Variants in APOL1 observed in about 807,000 individuals in gnomAD.
The protein encoded by APOL1 is apolipoprotein L1, also known as apolipoprotein L 1.
A neutral mutation model predicts 14.9 loss-of-function variants in APOL1; 17 were observed. That is an observed-to-expected ratio of 1.14 (90% CI 0.78 to 1.71). The LOEUF (loss-of-function observed/expected upper bound fraction) is 1.71. Ranked by LOEUF, APOL1 falls within the 40% of genes most tolerant of loss-of-function variation. The probability of loss-of-function intolerance (pLI) is 0.00; values close to 1 mark genes in which losing one functional copy is unlikely to be tolerated. For synonymous variants in APOL1, 195 were observed against 184.8 expected, an observed-to-expected ratio of 1.05 and a Z score of -0.45; for missense variants, 523 against 485.9, an observed-to-expected ratio of 1.08 and a Z score of -0.72.
At position 36,265,768 on chromosome 22, in the gene APOL1, C is replaced by T. The variant is rs144391919; in HGVS notation, c.932C>T (p.Ser311Leu). The T allele has an allele frequency of 3.5e-5, 56 of 1,614,092 alleles. 1 individual carries two copies. In the African/African-American group the frequency reaches 4.0e-4, roughly 12 times the overall value. The change falls in exon 6 of 6, where the codon TCA (serine) becomes TTA (leucine). Residue 311 changes from serine (S) to leucine (L), a missense_variant. By Grantham distance (145) the Ser-to-Leu change is moderately radical. Transcript: ENST00000397278. ...CGCCCCCGGGTCACTGAGCCAATCT[C>T]AGCTGAAAGCGGTGAACAGGTGGAG... ...ASRPRVTEPI[S>L]AESGEQVERV...
In APOL1 at chr22:36,267,316, C is replaced by T. The variant is rs2016306397; in HGVS notation, c.*1283C>T. The T allele has an allele frequency of 6.6e-6, 1 of 152,304 alleles. No homozygotes were observed. Among genetic ancestry groups the T allele is most frequent in the Admixed American group, 6.5e-5 (1 of 15,284 alleles). The allele number at this position is 152,304 out of a possible 1,614,324, so 9.4% of individuals were successfully genotyped here. Reference sequence around the variant, plus strand: ...ATGGCCATGGTCCCCAGCTGAGGAGCAGGTGTCCCTGAGAACCCAAACTTC... The same window carrying T: ...ATGGCCATGGTCCCCAGCTGAGGAGTAGGTGTCCCTGAGAACCCAAACTTC... On this transcript the variant is annotated 3_prime_UTR_variant, in exon 6 of 6. Transcript: ENST00000397278.
At chr22:36,263,280 G>A (rs569413923) in intron 5 of APOL1, among the ~76,000 whole-genome samples, 1 of 152,186 alleles carries the variant, frequency 6.6e-6, no homozygotes, top group East Asian at 1.9e-4. Flanking sequence ...AGGTGAAAGG[G>A]CATGAGGCAT....
At chr22:36,261,422 T>G (rs2016067458) in intron 4 of APOL1, among the ~76,000 whole-genome samples, 174 bp from the exon 5 acceptor site, 1 of 152,150 alleles carries the variant, frequency 6.6e-6, no homozygotes, top group Non-Finnish European at 1.5e-5. Flanking sequence ...AGTTTAAAGC[T>G]TCAGCATATG....
In APOL1 at chr22:36,265,744, G is replaced by A. The variant is rs765764553; in HGVS notation, c.908G>A (p.Arg303His). ...TCAGTACCGCATGCCTCAGCCTCACGCCCCCGGGTCACTGAGCCAATCTCA... is the reference window on the plus strand; with the variant it reads ...TCAGTACCGCATGCCTCAGCCTCACACCCCCGGGTCACTGAGCCAATCTCA... ...LQSVPHASASRPRVTEPISAE... is the reference protein window; with the variant it reads ...LQSVPHASASHPRVTEPISAE... Residue 303 changes from arginine to histidine, a missense_variant, in exon 6 of 6, where the codon CGC (arginine) becomes CAC (histidine). Physicochemically the swap from Arg to His is conservative, Grantham distance 29. Coordinates refer to ENST00000397278, the MANE Select transcript of APOL1 (RefSeq NM_003661.4). 83 of 1,613,888 alleles carry A rather than the reference G, an allele frequency of 5.1e-5. No homozygotes were observed. Among genetic ancestry groups the A allele is most frequent in the Middle Eastern group, 1.6e-4 (1 of 6,084 alleles).
intron 4 of APOL1, 56 bp downstream of exon 4, chr22:36,257,463 G>T: frequency 2.0e-6 from 3 of 1,494,192 alleles, no homozygotes; most frequent in Non-Finnish European, 2.8e-6. Flanking sequence ...ATGGAGGGTG[G>T]CACCTCCACA....
chr22:36,264,678 T>G (rs2016175017), intron 5 of APOL1, among the ~76,000 whole-genome samples: 1 of 152,146 alleles, frequency 6.6e-6, no homozygotes, highest in Non-Finnish European at 1.5e-5. Context: ...ATGAACAAAA[T>G]GTGTTTGAGT....
chr22:36,265,740 T>C lies in APOL1; in HGVS notation c.904T>C (p.Ser302Pro). 1 of 1,614,122 alleles carries C rather than the reference T, an allele frequency of 6.2e-7. No homozygotes were observed. The highest frequency in any genetic ancestry group is 8.5e-7 in the Non-Finnish European group (1 of 1,180,004). The change falls in exon 6 of 6, where the codon TCA becomes CCA. Residue 302 changes from serine to proline, a missense_variant. Ser to Pro is a moderately conservative substitution (Grantham distance 74, BLOSUM62 -1). Coordinates refer to ENST00000397278, the MANE Select transcript of APOL1 (RefSeq NM_003661.4). ...TCAGTCAGTACCGCATGCCTCAGCCTCACGCCCCCGGGTCACTGAGCCAAT... is the reference window on the plus strand; with the variant it reads ...TCAGTCAGTACCGCATGCCTCAGCCCCACGCCCCCGGGTCACTGAGCCAAT... ...NLQSVPHASASRPRVTEPISA... is the reference protein window; with the variant it reads ...NLQSVPHASAPRPRVTEPISA...
At position 36,267,377 on chromosome 22, in the gene APOL1, T is replaced by A. The variant is rs2016307675; in HGVS notation, c.*1344T>A. ...TGTGAGAACCAACCAATGAAAACAG[T>A]CCCATCGCTCTTACCCGGTAAGTAA... On this transcript the variant is annotated 3_prime_UTR_variant, in exon 6 of 6. Transcript: ENST00000397278. 6.6e-6 allele frequency: 1 copy of A among 152,168 alleles called. No homozygotes were observed. The highest frequency in any genetic ancestry group is 6.5e-5 in the Admixed American group (1 of 15,268). 9.4% of individuals were successfully genotyped at this position (152,168 alleles called of 1,614,324 possible). A position where few individuals can be genotyped will look rare whatever the true frequency, so the allele number is the denominator to read the frequency against.
At chr22:36,262,746 G>T (rs537679370) in intron 5 of APOL1, among the ~76,000 whole-genome samples, 2 of 152,316 alleles carry the variant, frequency 1.3e-5, no homozygotes, top group African/African-American at 4.8e-5. Flanking sequence ...TAGGGTCATG[G>T]TTGCCTGTGT....
rs775578609 is a variant in APOL1 at position 36,257,368 on chromosome 22, A to ACTTTG, written c.148_149insCTTTG (p.Lys50ThrfsTer32). Reference sequence around the variant, plus strand: ...GACAGATACTGGAGATCCTCAAAGTAAGCCCCTCGGTGACTGGGCTGCTGG... The same window carrying ACTTTG: ...GACAGATACTGGAGATCCTCAAAGTACTTTGAGCCCCTCGGTGACTGGGCTGCTGG... On this transcript the variant is annotated frameshift_variant, in exon 4 of 6. Coordinates refer to ENST00000397278, the MANE Select transcript of APOL1 (RefSeq NM_003661.4). LOFTEE classifies it high-confidence loss of function. 6 of 1,614,172 alleles carry ACTTTG rather than the reference A, an allele frequency of 3.7e-6. No homozygotes were observed. The African/African-American group carries it at 8.0e-5, about 22-fold the overall frequency.
chr22:36,257,704 G>A lies in APOL1; in HGVS notation c.187+297G>A, dbSNP rs1043144597. ...TGGGGAAGTGGAATCAGCGGGGGGGGGGGGGAGTGTGGGGAGAGCAGGGTC... is the reference window on the plus strand; with the variant it reads ...TGGGGAAGTGGAATCAGCGGGGGGGAGGGGGAGTGTGGGGAGAGCAGGGTC... On this transcript the variant is annotated intron_variant, in intron 4 of 5. Coordinates refer to ENST00000397278, the MANE Select transcript of APOL1 (RefSeq NM_003661.4). 7.5e-5 allele frequency: 23 copies of A among 305,154 alleles called. 1 individual carries two copies. The highest frequency in any genetic ancestry group is 1.2e-4 in the Non-Finnish European group (19 of 157,638). The allele number at this position is 305,154 out of a possible 1,614,324, so 18.9% of individuals were successfully genotyped here.
chr22:36,259,964 A>G (rs930026723), intron 4 of APOL1: 3 of 1,215,072 alleles, frequency 2.5e-6, no homozygotes, highest in African/African-American at 1.6e-5. Flanking sequence ...TTTTCAAAAC[A>G]TAAGGAGTTT....
intron 1 of APOL1, 182 bp from the exon 2 acceptor site, chr22:36,254,755 C>T (rs549971677): frequency 9.0e-5 from 58 of 641,862 alleles, no homozygotes; most frequent in East Asian, 2.9e-4. Flanking sequence ...CCCAGCTACT[C>T]GGGAGGCTGA....
intron 4 of APOL1, chr22:36,259,880 G>T (rs1437175273): frequency 7.7e-7 from 1 of 1,303,284 alleles, no homozygotes. Flanking sequence ...ATGCTGTGGA[G>T]TTTGAGACAT....
rs370571630 is a variant in APOL1 at position 36,265,831 on chromosome 22, G to A, written c.995G>A (p.Gly332Glu). ...CCCAGCATCCTGGAAATGAGCAGAG[G>A]AGTCAAGCTCACGGATGTGGCCCCT... Reference protein sequence around the residue: ...NEPSILEMSRGVKLTDVAPVS... With the variant: ...NEPSILEMSREVKLTDVAPVS... Residue 332 changes from glycine (G) to glutamate (E), a missense_variant, in exon 6 of 6, where the codon GGA becomes GAA. Transcript: ENST00000397278. 16 of 1,614,046 alleles carry A rather than the reference G, an allele frequency of 9.9e-6. No homozygotes were observed. In the African/African-American group the frequency reaches 2.1e-4, roughly 22 times the overall value.
rs750895237 is a variant in APOL1 at position 36,265,587 on chromosome 22, T to C, written c.751T>C (p.Leu251=). Residue 251 remains leucine, a synonymous_variant, in exon 6 of 6, where the codon TTG becomes CTG. Coordinates refer to ENST00000397278, the MANE Select transcript of APOL1 (RefSeq NM_003661.4). ...HDLVIKSLDK[L]KEVREFLGEN... ...CCTGGTCATCAAAAGCCTTGACAAA[T>C]TGAAGGAGGTGAGGGAGTTTTTGGG... 1.3e-6 allele frequency: 2 copies of C among 1,596,474 alleles called. No homozygotes were observed. The highest frequency in any genetic ancestry group is 1.7e-6 in the Non-Finnish European group (2 of 1,171,746).
intron 2 of APOL1, among the ~76,000 whole-genome samples, chr22:36,256,134 TAAC>T (rs1463618866): frequency 1.3e-5 from 2 of 152,358 alleles, no homozygotes; most frequent in East Asian, 3.9e-4. Flanking sequence ...TTGGTGTTGA[TAAC>T]AAGTATATTT....
chr22:36,256,762 G>C (rs2146297748), intron 2 of APOL1, among the ~76,000 whole-genome samples: 1 of 152,352 alleles, frequency 6.6e-6, no homozygotes, highest in East Asian at 1.9e-4. Flanking sequence ...GGTTGAAGCA[G>C]AAGTCCTGGC....
intron 4 of APOL1, among the ~76,000 whole-genome samples, chr22:36,258,454 G>T (rs982906714): frequency 6.6e-6 from 1 of 152,230 alleles, no homozygotes; most frequent in Non-Finnish European, 1.5e-5. Flanking sequence ...AAAACTGCCT[G>T]TTTGGGTTTA....
Sources: gnomAD v4.1 joint callset for allele counts (sites outside exome capture counted in the v4.1 genomes callset) on GRCh38, gnomAD v4.1.1 for gene constraint, MANE v1.5 for transcripts, NCBI Gene and HGNC (gene_info 2026-07-23, HGNC 2026-07-21) for gene names.